Variants in NR5A2 observed in about 807,000 individuals in gnomAD.
NR5A2 encodes nuclear receptor subfamily 5 group A member 2.
In NR5A2, 26 loss-of-function variants were observed where a neutral mutation model predicts 62.7. That is an observed-to-expected ratio of 0.41 (90% CI 0.30 to 0.58). NR5A2 has a LOEUF of 0.58. Ranked by LOEUF, NR5A2 falls within the 20% of genes least tolerant of loss-of-function variation. The pLI, the probability that NR5A2 is intolerant of heterozygous loss-of-function variation, is 0.22. For synonymous variants in NR5A2, 246 were observed against 241.7 expected (o/e 1.02, Z -0.16); for missense variants, 541 against 669.1 (o/e 0.81, Z 2.11).
At chr1:200,052,866 T>G (rs1259857723) in intron 5 of NR5A2, among the ~76,000 whole-genome samples, 1 of 152,086 alleles carries the variant, frequency 6.6e-6, no homozygotes, top group African/African-American at 2.4e-5. Context: ...GGTCTTGATC[T>G]CCTGACCTTG....
At chr1:200,095,646 G>A (rs1558135150) in intron 5 of NR5A2, among the ~76,000 whole-genome samples, 1 of 151,568 alleles carries the variant, frequency 6.6e-6, no homozygotes, top group Non-Finnish European at 1.5e-5. Context: ...TCCACCTCCT[G>A]GGTTCACGCC....
chr1:200,032,450 T>C (rs1235883546), intron 1 of NR5A2, among the ~76,000 whole-genome samples: 1 of 152,244 alleles, frequency 6.6e-6, no homozygotes, highest in Non-Finnish European at 1.5e-5. Context: ...AAACACCAAA[T>C]AACCTGAATG....
chr1:200,060,278 G>A (rs192685984), intron 5 of NR5A2, among the ~76,000 whole-genome samples: 1 of 152,136 alleles, frequency 6.6e-6, no homozygotes, highest in African/African-American at 2.4e-5. Context: ...CCCTTCAGGT[G>A]AAATGTGGTT....
intron 5 of NR5A2, among the ~76,000 whole-genome samples, chr1:200,055,542 G>T (rs1469410819): frequency 1.3e-5 from 2 of 151,998 alleles, no homozygotes; most frequent in Non-Finnish European, 2.9e-5. Flanking sequence ...GATCCTGCTC[G>T]GTGTCTACCA....
chr1:200,171,310 A>C (rs544710874), intron 7 of NR5A2, among the ~76,000 whole-genome samples: 1 of 152,232 alleles, frequency 6.6e-6, no homozygotes, highest in African/African-American at 2.4e-5. Context: ...AGGCATGTGG[A>C]TTCAATTCTG....
chr1:200,106,352 C>T (rs922365635), intron 5 of NR5A2, among the ~76,000 whole-genome samples: 4 of 152,098 alleles, frequency 2.6e-5, no homozygotes, highest in Admixed American at 6.6e-5. Context: ...CCACCATGCC[C>T]GGCCTAGATT....
chr1:200,054,124 C>T (rs1047873420), intron 5 of NR5A2: 3 of 152,120 alleles, frequency 2.0e-5, no homozygotes, highest in Admixed American at 2.0e-4. Context: ...TGACCCCCTG[C>T]ACAAAGATGA....
chr1:200,040,844 C>G (rs1004332865), intron 2 of NR5A2, among the ~76,000 whole-genome samples: 1 of 152,208 alleles, frequency 6.6e-6, no homozygotes, highest in Non-Finnish European at 1.5e-5. Context: ...GTCGCCCTAC[C>G]GCGGAGGGGA....
At chr1:200,109,436 G>A (rs1442743867) in intron 5 of NR5A2, among the ~76,000 whole-genome samples, 1 of 152,108 alleles carries the variant, frequency 6.6e-6, no homozygotes, top group Non-Finnish European at 1.5e-5. Context: ...CACAAGACTT[G>A]CCCCATATAT....
intron 5 of NR5A2, among the ~76,000 whole-genome samples, chr1:200,092,158 C>T (rs1378348108): frequency 6.6e-6 from 1 of 152,172 alleles, no homozygotes; most frequent in East Asian, 1.9e-4. Context: ...ACATATTCAA[C>T]ACCTTTAGTA....
At chr1:200,114,526 G>A (rs2249150) in intron 6 of NR5A2, among the ~76,000 whole-genome samples, 65,937 of 151,814 alleles carry the variant, frequency 0.43, 14,683 homozygotes, top group East Asian at 0.68. Flanking sequence ...CTTCCTGGCT[G>A]TGTCATATTT....
intron 7 of NR5A2, among the ~76,000 whole-genome samples, chr1:200,127,437 G>A (rs1390228801): frequency 6.6e-6 from 1 of 151,870 alleles, no homozygotes; most frequent in Non-Finnish European, 1.5e-5. Flanking sequence ...AGCACTTTGG[G>A]AGGCCAAGGC....
At chr1:200,098,851 T>C in intron 5 of NR5A2, among the ~76,000 whole-genome samples, 1 of 152,220 alleles carries the variant, frequency 6.6e-6, no homozygotes, top group Non-Finnish European at 1.5e-5. Flanking sequence ...TAGCATGCTA[T>C]GTTTAGGGCA....
At chr1:200,152,554 C>T (rs1653180361) in intron 7 of NR5A2, among the ~76,000 whole-genome samples, 1 of 152,014 alleles carries the variant, frequency 6.6e-6, no homozygotes, top group Non-Finnish European at 1.5e-5. Context: ...ACCTTGAGTA[C>T]CAGGTTAACT....
chr1:200,141,003 C>A (rs1284215602), intron 7 of NR5A2, among the ~76,000 whole-genome samples: 1 of 151,504 alleles, frequency 6.6e-6, no homozygotes, highest in Non-Finnish European at 1.5e-5. Context: ...TGCACTCCAG[C>A]CTGGGCAACA....
intron 2 of NR5A2, among the ~76,000 whole-genome samples, chr1:200,042,609 A>G (rs1451496577): frequency 6.6e-6 from 1 of 152,210 alleles, no homozygotes; most frequent in Non-Finnish European, 1.5e-5. Context: ...GCCGTTGGGT[A>G]GCAGGAGGTA....
chr1:200,061,952 G>T (rs1478087096), intron 5 of NR5A2, among the ~76,000 whole-genome samples: 1 of 152,270 alleles, frequency 6.6e-6, no homozygotes, highest in East Asian at 1.9e-4. Context: ...ATGACCCATG[G>T]TAGACACTGG....
intron 7 of NR5A2, among the ~76,000 whole-genome samples, chr1:200,130,765 A>G (rs1025449393): frequency 2.6e-5 from 4 of 152,144 alleles, no homozygotes; most frequent in African/African-American, 9.7e-5. Context: ...TCCTCTAAAT[A>G]TGATTACATA....
chr1:200,078,270 T>C (rs1217241507), intron 5 of NR5A2, among the ~76,000 whole-genome samples: 2 of 152,216 alleles, frequency 1.3e-5, no homozygotes, highest in Non-Finnish European at 2.9e-5. Context: ...CTCGTGTGTG[T>C]TATGTATGGC....
Sources: allele counts gnomAD v4.1 joint callset (sites outside exome capture counted in the v4.1 genomes callset), GRCh38; gene constraint gnomAD v4.1.1; transcripts MANE v1.5; gene names NCBI Gene and HGNC (gene_info 2026-07-23, HGNC 2026-07-21).